The following VTCN1 variants were observed in gnomAD, a reference collection of about 807,000 sequenced individuals.
VTCN1 encodes the protein V-set domain containing T cell activation inhibitor 1.
In VTCN1, 26 loss-of-function variants were observed where a neutral mutation model predicts 26.5. The observed-to-expected ratio is 0.98, with a 90% confidence interval of 0.72 to 1.36. VTCN1 has a LOEUF of 1.36. Ranked by LOEUF, VTCN1 falls within the 40% of genes most tolerant of loss-of-function variation. The pLI is 0.00. For missense variants in VTCN1, 298 were observed against 337.7 expected, an observed-to-expected ratio of 0.88 and a Z score of 0.92; for synonymous variants, 116 against 130.7, an observed-to-expected ratio of 0.89 and a Z score of 0.77.
chr1:117,198,628 CA>C, intron 1 of VTCN1, among the ~76,000 whole-genome samples: 1 of 152,302 alleles, frequency 6.6e-6, no homozygotes, highest in Non-Finnish European at 1.5e-5. Context: ...GCATCCACAT[CA>C]GCACCACCCA....
At chr1:117,166,487 G>A (rs1188109906) in intron 2 of VTCN1, among the ~76,000 whole-genome samples, 2 of 151,930 alleles carry the variant, frequency 1.3e-5, no homozygotes, top group Non-Finnish European at 2.9e-5. Flanking sequence ...TGGCGCGGTG[G>A]CTCACACCTG....
At chr1:117,210,644 T>A (rs942321024) in intron 1 of VTCN1, among the ~76,000 whole-genome samples, 180 bp downstream of exon 1, 1 of 152,110 alleles carries the variant, frequency 6.6e-6, no homozygotes, top group Admixed American at 6.5e-5. Context: ...GCAGCTGAGG[T>A]GGGATGTTAA....
intron 1 of VTCN1, among the ~76,000 whole-genome samples, chr1:117,204,149 C>T (rs1648925337): frequency 6.6e-6 from 1 of 152,208 alleles, no homozygotes; most frequent in Admixed American, 6.5e-5. Context: ...CTGCAAGTCT[C>T]TGTTTTTCTG....
chr1:117,209,530 G>T (rs568613414), intron 1 of VTCN1, among the ~76,000 whole-genome samples: 1 of 152,336 alleles, frequency 6.6e-6, no homozygotes, highest in Non-Finnish European at 1.5e-5. Flanking sequence ...ACAAGGCAGT[G>T]GTGGACACGC....
At chr1:117,208,632 G>A (rs1404010496) in intron 1 of VTCN1, among the ~76,000 whole-genome samples, 3 of 152,184 alleles carry the variant, frequency 2.0e-5, no homozygotes, top group Admixed American at 1.3e-4. Context: ...CTCCTAGCAA[G>A]CATTCTGCAA....
chr1:117,180,850 C>A (rs1647639556), intron 1 of VTCN1, among the ~76,000 whole-genome samples: 1 of 152,222 alleles, frequency 6.6e-6, no homozygotes. Context: ...AGGGCAGGAG[C>A]ACTGCTCAGG....
chr1:117,188,921 T>C (rs1179012689), intron 1 of VTCN1, among the ~76,000 whole-genome samples: 2 of 152,188 alleles, frequency 1.3e-5, no homozygotes, highest in African/African-American at 2.4e-5. Context: ...TTAATTATTA[T>C]ATATAAGTAA....
intron 1 of VTCN1, among the ~76,000 whole-genome samples, chr1:117,179,609 G>C (rs1165202247): frequency 2.6e-5 from 4 of 152,136 alleles, no homozygotes; most frequent in East Asian, 1.9e-4. Flanking sequence ...AAACACACAG[G>C]GGGTGGGAAA....
chr1:117,196,418 A>C (rs1648513307), intron 1 of VTCN1, among the ~76,000 whole-genome samples: 1 of 151,212 alleles, frequency 6.6e-6, no homozygotes. Flanking sequence ...AGAGAGAGAG[A>C]GAGAGACGGA....
chr1:117,198,526 G>A (rs1648626356), intron 1 of VTCN1, among the ~76,000 whole-genome samples: 1 of 152,188 alleles, frequency 6.6e-6, no homozygotes. Context: ...TCCAGTGGCT[G>A]CAGAAAAATT....
At chr1:117,205,093 A>C (rs1339291108) in intron 1 of VTCN1, among the ~76,000 whole-genome samples, 2 of 5,574 alleles carry the variant, frequency 3.6e-4, no homozygotes, top group Non-Finnish European at 3.8e-3. Context: ...ATATGTATGT[A>C]TGTATATGTA....
At chr1:117,172,472 G>C in intron 1 of VTCN1, 2 of 518,802 alleles carry the variant, frequency 3.9e-6, no homozygotes, top group South Asian at 2.8e-5. Flanking sequence ...AAGTCATAGC[G>C]AGAGGCACCA....
intron 1 of VTCN1, among the ~76,000 whole-genome samples, chr1:117,188,608 C>G (rs570225550): frequency 6.6e-6 from 1 of 152,298 alleles, no homozygotes; most frequent in Admixed American, 6.5e-5. Flanking sequence ...ATTTATTTCT[C>G]TAAGTGTCAG....
At chr1:117,182,460 C>A (rs984994660) in intron 1 of VTCN1, among the ~76,000 whole-genome samples, 1 of 152,144 alleles carries the variant, frequency 6.6e-6, no homozygotes, top group East Asian at 1.9e-4. Flanking sequence ...CCAGACCCAC[C>A]CCTTGAGGGC....
intron 4 of VTCN1, among the ~76,000 whole-genome samples, chr1:117,149,294 T>G (rs77857293): frequency 0.11 from 13,241 of 123,028 alleles, 1,705 homozygotes; most frequent in African/African-American, 0.37. Flanking sequence ...TTGGGGTGGG[T>G]TTTTTTTTTT....
At chr1:117,172,329 G>A (rs1652961655) in intron 1 of VTCN1, 1 of 518,558 alleles carries the variant, frequency 1.9e-6, no homozygotes, top group Non-Finnish European at 3.9e-6. Context: ...AAGGCAGCAA[G>A]CGAAGCTTTA....
chr1:117,152,222 T>G (rs1557859918), intron 4 of VTCN1, among the ~76,000 whole-genome samples: 1 of 152,188 alleles, frequency 6.6e-6, no homozygotes, highest in South Asian at 2.1e-4. Context: ...AATTTTGGGT[T>G]CATATGTATA....
intron 2 of VTCN1, among the ~76,000 whole-genome samples, chr1:117,162,767 G>A (rs1652428589): frequency 6.6e-6 from 1 of 152,172 alleles, no homozygotes; most frequent in Non-Finnish European, 1.5e-5. Flanking sequence ...GCAGCTCTGG[G>A]TTCACACAGT....
rs1275342798 is a variant in VTCN1 at position 117,183,311 on chromosome 1, A to G, written c.33-13140T>C. ...TTGTTGAATAAATGCCCCACCTTAC[A>G]GACTGCTTCCCTTGGAGCGTCTAGC... On this transcript the variant is annotated intron_variant, in intron 1 of 5. Coordinates refer to ENST00000369458, the MANE Select transcript of VTCN1 (RefSeq NM_024626.4). This position sits in a 1 kb window ranked among gnomAD's most constrained non-coding sequence, Gnocchi z 4.1. Among the ~76,000 whole-genome samples the G allele has an allele frequency of 6.6e-6, 1 of 152,226 alleles. No homozygotes were observed. The highest frequency in any genetic ancestry group is 1.5e-5 in the Non-Finnish European group (1 of 68,038).
Sources: gnomAD v4.1 joint callset for allele counts (sites outside exome capture counted in the v4.1 genomes callset) on GRCh38, gnomAD v4.1.1 for gene constraint, Gnocchi (gnomAD v3.1) non-coding constraint, MANE v1.5 for transcripts, NCBI Gene and HGNC (gene_info 2026-07-23, HGNC 2026-07-21) for gene names.